Variants in DTWD2 observed in about 807,000 individuals in gnomAD.
DTWD2 encodes the protein tRNA-uridine aminocarboxypropyltransferase 2.
A neutral mutation model predicts 31.8 loss-of-function variants in DTWD2; 39 were observed. The ratio of observed to expected loss-of-function variants is 1.22; its 90% CI spans 0.95 to 1.60. The LOEUF (loss-of-function observed/expected upper bound fraction) is 1.60. DTWD2 is among the 40% of genes most tolerant of loss of function. DTWD2 has a pLI of 0.00. For synonymous variants in DTWD2, 180 were observed against 142.8 expected (o/e 1.26, Z -1.86); for missense variants, 515 against 381.5 (o/e 1.35, Z -2.92).
Position 118,840,900 on chromosome 5 carries a change from C to A in DTWD2, c.*17G>T, listed in dbSNP as rs1490085691. 6.2e-7 allele frequency: 1 copy of A among 1,608,548 alleles called. No individual in the cohort carries two copies. Among genetic ancestry groups the A allele is most frequent in the African/African-American group, 1.3e-5 (1 of 74,700 alleles). Reference sequence around the variant, plus strand: ...TTAGATGAAGACAGTTAAGCTAGCACCAAAAGAATAACTGTACTAAATTTT... The same window carrying A: ...TTAGATGAAGACAGTTAAGCTAGCAACAAAAGAATAACTGTACTAAATTTT... On this transcript the variant is annotated 3_prime_UTR_variant, in exon 6 of 6. Coordinates refer to ENST00000510708, the MANE Select transcript of DTWD2 (RefSeq NM_173666.4).
chr5:118,853,081 G>A (rs551931076), intron 4 of DTWD2, among the ~76,000 whole-genome samples: 1 of 152,182 alleles, frequency 6.6e-6, no homozygotes, highest in South Asian at 2.1e-4. Context: ...GAGGAAGTGG[G>A]GCAAGTGCTA....
At chr5:118,855,330 G>C (rs1387363862) in intron 4 of DTWD2, among the ~76,000 whole-genome samples, 1 of 150,316 alleles carries the variant, frequency 6.7e-6, no homozygotes, top group East Asian at 2.0e-4. Context: ...GTGTCTTGCA[G>C]AGGCAGTGTC....
intron 1 of DTWD2, among the ~76,000 whole-genome samples, chr5:118,987,460 T>C (rs1326525505): frequency 6.6e-6 from 1 of 152,240 alleles, no homozygotes; most frequent in African/African-American, 2.4e-5. Context: ...GTTCCCCTTC[T>C]TGGAATGCTT....
At chr5:118,984,384 C>G (rs184789276) in intron 1 of DTWD2, among the ~76,000 whole-genome samples, 2 of 151,224 alleles carry the variant, frequency 1.3e-5, no homozygotes, top group East Asian at 3.9e-4. Flanking sequence ...TGGTTTGAAC[C>G]TGGGAGGCAG....
chr5:118,965,213 C>T (rs1350727521), intron 1 of DTWD2, among the ~76,000 whole-genome samples: 1 of 151,888 alleles, frequency 6.6e-6, no homozygotes, highest in African/African-American at 2.4e-5. Context: ...GCAGCCGCCC[C>T]ATCTGGGAAG....
intron 4 of DTWD2, among the ~76,000 whole-genome samples, chr5:118,855,770 T>C (rs1236542805): frequency 1.3e-5 from 2 of 152,198 alleles, no homozygotes; most frequent in Non-Finnish European, 2.9e-5. Context: ...AAAAAATGCA[T>C]GTTAATTATT....
intron 4 of DTWD2, among the ~76,000 whole-genome samples, chr5:118,890,968 T>C (rs559336151): frequency 7.9e-4 from 120 of 151,558 alleles, no homozygotes; most frequent in African/African-American, 2.7e-3. Context: ...AGTAAGCAGA[T>C]AGAAGAATAG....
At chr5:118,866,276 G>T (rs1752379114) in intron 4 of DTWD2, among the ~76,000 whole-genome samples, 1 of 152,012 alleles carries the variant, frequency 6.6e-6, no homozygotes, top group Admixed American at 6.6e-5. Flanking sequence ...AGACCTTACA[G>T]TTTAAAAATT....
chr5:118,873,175 G>A (rs1445275952), intron 4 of DTWD2, among the ~76,000 whole-genome samples: 1 of 152,210 alleles, frequency 6.6e-6, no homozygotes, highest in East Asian at 1.9e-4. Flanking sequence ...AACCCAGAGG[G>A]TTTGGTGCAG....
chr5:118,976,330 C>CT (rs1172206444), intron 1 of DTWD2, among the ~76,000 whole-genome samples: 2 of 152,014 alleles, frequency 1.3e-5, no homozygotes, highest in East Asian at 3.9e-4. Context: ...CAAGAAACAA[C>CT]TAAGATCAGA....
intron 4 of DTWD2, among the ~76,000 whole-genome samples, chr5:118,917,408 G>T (rs59241413): frequency 0.21 from 31,735 of 152,148 alleles, 7,730 homozygotes; most frequent in African/African-American, 0.6. Flanking sequence ...TTAGGTCATA[G>T]TAAGGATTTA....
chr5:118,920,194 A>C (rs1753670325), intron 4 of DTWD2, among the ~76,000 whole-genome samples: 1 of 152,184 alleles, frequency 6.6e-6, no homozygotes, highest in South Asian at 2.1e-4. Context: ...AAAAACAAAA[A>C]GCCCAAGCCA....
intron 4 of DTWD2, among the ~76,000 whole-genome samples, chr5:118,886,902 C>G (rs968261186): frequency 1.5e-4 from 23 of 152,104 alleles, no homozygotes; most frequent in Non-Finnish European, 2.9e-5. Context: ...GATTTCATAA[C>G]TCCAATAATT....
chr5:118,958,643 G>A (rs1754643207), intron 1 of DTWD2, among the ~76,000 whole-genome samples: 1 of 142,352 alleles, frequency 7.0e-6, no homozygotes, highest in Non-Finnish European at 1.5e-5. Flanking sequence ...AGAAAACCTA[G>A]AAGAAATGGA....
chr5:118,937,531 T>C (rs1052756036), intron 3 of DTWD2, among the ~76,000 whole-genome samples: 2 of 152,214 alleles, frequency 1.3e-5, no homozygotes, highest in African/African-American at 4.8e-5. Context: ...CCTCCCTGTG[T>C]GGTGTTTGCC....
intron 4 of DTWD2, among the ~76,000 whole-genome samples, chr5:118,880,161 G>C (rs59960294): frequency 0.069 from 10,562 of 152,182 alleles, 1,233 homozygotes; most frequent in African/African-American, 0.24. Flanking sequence ...GTCACTGTAA[G>C]CTATTTGACA....
At chr5:118,923,542 CACCCTA>C (rs1237964493) in intron 4 of DTWD2, among the ~76,000 whole-genome samples, 1 of 152,182 alleles carries the variant, frequency 6.6e-6, no homozygotes, top group Non-Finnish European at 1.5e-5. Context: ...GCGGGAAACC[CACCCTA>C]ACGGAAGAAT....
chr5:118,924,408 A>T (rs1025154748), intron 4 of DTWD2, among the ~76,000 whole-genome samples: 4 of 152,174 alleles, frequency 2.6e-5, no homozygotes, highest in African/African-American at 9.7e-5. Context: ...CCGGTACATG[A>T]TCTATATATG....
At chr5:118,845,146 G>C (rs895771883) in intron 5 of DTWD2, among the ~76,000 whole-genome samples, 1 of 151,358 alleles carries the variant, frequency 6.6e-6, no homozygotes, top group Non-Finnish European at 1.5e-5. Flanking sequence ...GACTCTGTTG[G>C]AAAAGAAAAA....
Sources: gnomAD v4.1 joint callset for allele counts (sites outside exome capture counted in the v4.1 genomes callset) on GRCh38, gnomAD v4.1.1 for gene constraint, MANE v1.5 for transcripts, NCBI Gene and HGNC (gene_info 2026-07-23, HGNC 2026-07-21) for gene names.